CDC14B: variants seen among roughly 807,000 people sequenced by gnomAD.
CDC14B encodes dual specificity protein phosphatase CDC14B.
A neutral mutation model predicts 64.2 loss-of-function variants in CDC14B; 22 were observed. The ratio of observed to expected loss-of-function variants is 0.34; its 90% CI spans 0.24 to 0.49. CDC14B has a LOEUF of 0.49. Among genes scored for constraint, CDC14B ranks in the 20% least tolerant of loss-of-function variants. The pLI is 0.99. For missense variants in CDC14B, 498 were observed against 629.9 expected (o/e 0.79, Z 2.24); for synonymous variants, 191 against 215.8 (o/e 0.89, Z 1.01).
intron 1 of CDC14B, among the ~76,000 whole-genome samples, chr9:96,591,187 G>A (rs959639932): frequency 1.3e-5 from 2 of 152,070 alleles, no homozygotes; most frequent in East Asian, 1.9e-4. Context: ...CAAATCTAAC[G>A]TCATGAGGCA....
At chr9:96,604,003 CTT>C (rs752721592) in intron 1 of CDC14B, among the ~76,000 whole-genome samples, 1 of 152,150 alleles carries the variant, frequency 6.6e-6, no homozygotes, top group Non-Finnish European at 1.5e-5. Context: ...AAATAAAAGA[CTT>C]AAAGTGGTTG....
chr9:96,605,181 A>G (rs1029405472), intron 1 of CDC14B, among the ~76,000 whole-genome samples: 18 of 145,824 alleles, frequency 1.2e-4, no homozygotes, highest in African/African-American at 4.3e-4. Flanking sequence ...AGCACAGAGG[A>G]AAAAAAAAAT....
intron 1 of CDC14B, among the ~76,000 whole-genome samples, chr9:96,585,214 T>G (rs1420588122): frequency 7.8e-6 from 1 of 127,962 alleles, no homozygotes; most frequent in Admixed American, 7.4e-5. Flanking sequence ...ATTAAGGCAC[T>G]TTTTTTTTTT....
intron 1 of CDC14B, among the ~76,000 whole-genome samples, chr9:96,609,673 T>C (rs569771739): frequency 1.3e-4 from 20 of 152,328 alleles, no homozygotes; most frequent in East Asian, 9.6e-4. Context: ...AATGATAGTA[T>C]TGCATTATGG....
chr9:96,549,663 A>G (rs1048913573), intron 5 of CDC14B, among the ~76,000 whole-genome samples: 7 of 129,324 alleles, frequency 5.4e-5, no homozygotes, highest in Middle Eastern at 3.6e-3. Context: ...GACTCCGTCT[A>G]AAAAAAAAAA....
chr9:96,597,471 G>T (rs1846160587), intron 1 of CDC14B, among the ~76,000 whole-genome samples: 1 of 147,834 alleles, frequency 6.8e-6, no homozygotes, highest in Admixed American at 6.8e-5. Flanking sequence ...TCCAGCCTGG[G>T]TAACAAAGAA....
At chr9:96,617,786 C>T (rs1374022495) in intron 1 of CDC14B, among the ~76,000 whole-genome samples, 1 of 152,172 alleles carries the variant, frequency 6.6e-6, no homozygotes, top group Non-Finnish European at 1.5e-5. Context: ...GAGTTCTGTA[C>T]CATGTAAATG....
At chr9:96,496,361 T>C (rs1833237886), downstream of CDC14B, 2 of 512,684 alleles carry the variant, frequency 3.9e-6, no homozygotes, top group Non-Finnish European at 7.8e-6. Context: ...CAACCATCGC[T>C]GGAAAAGGGA....
intron 1 of CDC14B, among the ~76,000 whole-genome samples, chr9:96,578,728 T>C (rs986531599): frequency 3.3e-5 from 5 of 152,196 alleles, no homozygotes; most frequent in East Asian, 3.8e-4. Context: ...GCAATGTGGA[T>C]TGAATTTCAG....
intron 1 of CDC14B, among the ~76,000 whole-genome samples, chr9:96,569,561 G>A (rs1844351333): frequency 6.6e-6 from 1 of 152,180 alleles, no homozygotes; most frequent in Admixed American, 6.5e-5. Flanking sequence ...CATCAATAAA[G>A]TACTACAGAG....
At chr9:96,606,332 CAAAAAAAAAAAAAAA>C (rs772460843) in intron 1 of CDC14B, among the ~76,000 whole-genome samples, 2,175 of 21,122 alleles carry the variant, frequency 0.1, 99 homozygotes, top group African/African-American at 0.22. Flanking sequence ...GACTCCATCT[CAAAAAAAAAAAAAAA>C]AAAAAAAAAA....
intron 1 of CDC14B, among the ~76,000 whole-genome samples, chr9:96,588,581 G>C (rs1845592369): frequency 6.6e-6 from 1 of 152,158 alleles, no homozygotes; most frequent in Admixed American, 6.5e-5. Flanking sequence ...CCACCTCCTG[G>C]GCTCAAGCGA....
At chr9:96,518,716 G>A (rs1250888741) in intron 12 of CDC14B, among the ~76,000 whole-genome samples, 1 of 152,190 alleles carries the variant, frequency 6.6e-6, no homozygotes, top group Non-Finnish European at 1.5e-5. Flanking sequence ...AATGGTCTGG[G>A]AGCCCTAGAG....
intron 1 of CDC14B, among the ~76,000 whole-genome samples, chr9:96,583,731 T>A (rs1369753191): frequency 1.4e-5 from 2 of 145,330 alleles, no homozygotes; most frequent in Non-Finnish European, 3.0e-5. Flanking sequence ...ATTTTTATTT[T>A]TTTTTGAGAC....
At chr9:96,561,577 C>T (rs16911287) in intron 4 of CDC14B, among the ~76,000 whole-genome samples, 7,909 of 152,136 alleles carry the variant, frequency 0.052, 698 homozygotes, top group African/African-American at 0.18. Flanking sequence ...CTCCCGGGTT[C>T]ACGACGTTCT....
At chr9:96,555,950 G>C (rs906745182) in intron 4 of CDC14B, among the ~76,000 whole-genome samples, 2 of 152,106 alleles carry the variant, frequency 1.3e-5, no homozygotes, top group Admixed American at 6.6e-5. Context: ...TGAACTAGCA[G>C]TGATGGAAGA....
intron 5 of CDC14B, among the ~76,000 whole-genome samples, chr9:96,542,752 T>C (rs995656818): frequency 1.3e-5 from 2 of 152,002 alleles, no homozygotes; most frequent in East Asian, 3.9e-4. Context: ...GGCTCAGGCA[T>C]GTAATCCCAG....
chr9:96,518,979 A>G (rs1160265798), intron 12 of CDC14B, among the ~76,000 whole-genome samples: 1 of 151,970 alleles, frequency 6.6e-6, no homozygotes, highest in African/African-American at 2.4e-5. Context: ...TACTAAAAAT[A>G]CAAAAATTTA....
At chr9:96,597,906 A>C (rs1247929128) in intron 1 of CDC14B, among the ~76,000 whole-genome samples, 3 of 152,206 alleles carry the variant, frequency 2.0e-5, no homozygotes, top group African/African-American at 7.2e-5. Context: ...CAATAGCATA[A>C]AGGCTAGGAT....
Sources: allele counts gnomAD v4.1 joint callset (sites outside exome capture counted in the v4.1 genomes callset), GRCh38; gene constraint gnomAD v4.1.1; transcripts MANE v1.5; gene names NCBI Gene and HGNC (gene_info 2026-07-23, HGNC 2026-07-21).